The following HRH1 variants were observed in gnomAD, a reference collection of about 807,000 sequenced individuals.
HRH1 encodes the protein histamine H1 receptor.
A neutral mutation model predicts 10.3 loss-of-function variants in HRH1; 6 were observed. The ratio of observed to expected loss-of-function variants is 0.58; its 90% confidence interval spans 0.32 to 1.15. HRH1 has a LOEUF of 1.15. HRH1 is among the 50% of genes most tolerant of loss of function. The pLI is 0.05. For missense variants in HRH1, 514 were observed against 615.3 expected, an observed-to-expected ratio of 0.84 and a Z score of 1.74; for synonymous variants, 242 against 236.7, an observed-to-expected ratio of 1.02 and a Z score of -0.21.
At chr3:11,222,732 G>A (rs777821950) in intron 1 of HRH1, among the ~76,000 whole-genome samples, 19 of 152,130 alleles carry the variant, frequency 1.2e-4, no homozygotes, top group Admixed American at 3.3e-4. Flanking sequence ...CCCAGGGGGC[G>A]TTTAGAGGTC....
chr3:11,208,153 C>CTTTT (rs113950173), intron 1 of HRH1, among the ~76,000 whole-genome samples: 1 of 139,932 alleles, frequency 7.1e-6, no homozygotes, highest in African/African-American at 2.6e-5. Context: ...CCAGTTTTTT[C>CTTTT]TTTTTTTTTT....
chr3:11,214,457 G>A (rs943020053), intron 1 of HRH1, among the ~76,000 whole-genome samples: 2 of 152,228 alleles, frequency 1.3e-5, no homozygotes, highest in Non-Finnish European at 2.9e-5. Flanking sequence ...CGGTAATGGT[G>A]GGATTTCTGG....
chr3:11,195,310 C>T (rs757185649), intron 1 of HRH1, among the ~76,000 whole-genome samples: 13 of 152,200 alleles, frequency 8.5e-5, no homozygotes, highest in Non-Finnish European at 1.6e-4. Context: ...CTCTTAGACC[C>T]TTGTAAATCA....
At chr3:11,184,986 CTT>C (rs2125018809) in intron 1 of HRH1, among the ~76,000 whole-genome samples, 1 of 150,392 alleles carries the variant, frequency 6.6e-6, no homozygotes, top group East Asian at 2.0e-4. Context: ...TAGCCATCGG[CTT>C]TGTTTTTCCA....
chr3:11,228,062 A>G (rs187657147), intron 1 of HRH1, among the ~76,000 whole-genome samples: 1 of 152,328 alleles, frequency 6.6e-6, no homozygotes, highest in Admixed American at 6.5e-5. Flanking sequence ...TTAGCATAAC[A>G]TGAAACTCTG....
chr3:11,157,944 C>A (rs1392688289), intron 1 of HRH1, among the ~76,000 whole-genome samples: 1 of 152,218 alleles, frequency 6.6e-6, no homozygotes, highest in African/African-American at 2.4e-5. Flanking sequence ...GGCTGTCTTT[C>A]CAACCATAAT....
In HRH1 at chr3:11,144,472, GACA is replaced by G. The variant is rs1936379901; in HGVS notation, c.-36+7074_-36+7076del. Among the ~76,000 whole-genome samples, 3 of 149,674 alleles carry G rather than the reference GACA, an allele frequency of 2.0e-5. No individual in the cohort carries two copies. In the East Asian group the frequency reaches 5.9e-4, roughly 30 times the overall value. On this transcript the variant is annotated intron_variant, in intron 1 of 1. Transcript: ENST00000438284. ...ACGTCTATAGGTATATATACATATA[GACA>G]TATATATACACACACACACACGCCA...
At chr3:11,221,219 G>C (rs1938700769) in intron 1 of HRH1, among the ~76,000 whole-genome samples, 1 of 152,108 alleles carries the variant, frequency 6.6e-6, no homozygotes, top group African/African-American at 2.4e-5. Context: ...GAGCTGTTTA[G>C]TTTCTCATTT....
intron 1 of HRH1, among the ~76,000 whole-genome samples, chr3:11,245,940 C>G (rs1939468177): frequency 6.6e-6 from 1 of 151,946 alleles, no homozygotes. Context: ...CATACACACT[C>G]ACACTCACTC....
At chr3:11,189,834 C>T (rs896031250) in intron 1 of HRH1, among the ~76,000 whole-genome samples, 2 of 151,898 alleles carry the variant, frequency 1.3e-5, no homozygotes, top group African/African-American at 2.4e-5. Flanking sequence ...CCTGTAATCC[C>T]AGCTACTCGG....
intron 1 of HRH1, among the ~76,000 whole-genome samples, chr3:11,218,694 G>A (rs1938597164): frequency 6.6e-6 from 1 of 151,734 alleles, no homozygotes; most frequent in Non-Finnish European, 1.5e-5. Context: ...TCCTGCCTCA[G>A]TCTCCTGAGT....
chr3:11,238,879 G>A (rs978740095), intron 1 of HRH1, among the ~76,000 whole-genome samples: 1 of 152,100 alleles, frequency 6.6e-6, no homozygotes, highest in African/African-American at 2.4e-5. Context: ...TCTTTTTATT[G>A]ACAAATGGAC....
chr3:11,159,521 A>G (rs1395451601), intron 1 of HRH1, among the ~76,000 whole-genome samples: 2 of 152,328 alleles, frequency 1.3e-5, no homozygotes, highest in African/African-American at 2.4e-5. Context: ...GATGCATGAC[A>G]TCGACTTCTG....
intron 1 of HRH1, among the ~76,000 whole-genome samples, chr3:11,238,902 A>G (rs2152578549): frequency 6.6e-6 from 1 of 152,362 alleles, no homozygotes; most frequent in East Asian, 1.9e-4. Flanking sequence ...CATTTTAATC[A>G]AAATCCATTC....
At chr3:11,199,398 G>A (rs1245948062) in intron 1 of HRH1, among the ~76,000 whole-genome samples, 2 of 152,098 alleles carry the variant, frequency 1.3e-5, no homozygotes, top group Admixed American at 6.6e-5. Flanking sequence ...TTCGCATGCT[G>A]TTCCCTCTGC....
At chr3:11,142,090 C>T (rs896163762) in intron 1 of HRH1, among the ~76,000 whole-genome samples, 1 of 152,230 alleles carries the variant, frequency 6.6e-6, no homozygotes, top group African/African-American at 2.4e-5. Context: ...GGTAGCAGAG[C>T]TAGACCAGGT....
At chr3:11,179,997 A>C (rs1436656852) in intron 1 of HRH1, among the ~76,000 whole-genome samples, 2 of 152,102 alleles carry the variant, frequency 1.3e-5, no homozygotes, top group East Asian at 3.9e-4. Context: ...TCCTGGGCTC[A>C]AGCAATCCTC....
At chr3:11,170,390 G>T (rs1054681740) in intron 1 of HRH1, among the ~76,000 whole-genome samples, 1 of 152,268 alleles carries the variant, frequency 6.6e-6, no homozygotes, top group African/African-American at 2.4e-5. Flanking sequence ...GCCAGCTTTG[G>T]ATAAGCTCGC....
rs114670650 is a variant in HRH1 at position 11,240,895 on chromosome 3, C to A, written c.-35-18108C>A. The stretch of plus-strand genomic sequence containing the variant: ...TGACTTACTTGACTAGAATAACCAG[C>A]CTACAAATGATGAAGAGGATAGAGA... On this transcript the variant is annotated intron_variant, in intron 1 of 1. Coordinates refer to ENST00000431010, the MANE Select transcript of HRH1 (RefSeq NM_001098212.2). Among the ~76,000 whole-genome samples, 613 of 152,250 alleles carry A rather than the reference C, an allele frequency of 4.0e-3. 5 individuals carry two copies. The highest frequency in any genetic ancestry group is 0.014 in the African/African-American group (578 of 41,540).
Sources: allele counts gnomAD v4.1 joint callset (sites outside exome capture counted in the v4.1 genomes callset), GRCh38; gene constraint gnomAD v4.1.1; transcripts MANE v1.5; gene names NCBI Gene and HGNC (gene_info 2026-07-23, HGNC 2026-07-21).